The following ARHGAP24 variants were observed in gnomAD, a reference collection of about 807,000 sequenced individuals.
ARHGAP24 encodes rho GTPase-activating protein 24.
A neutral mutation model predicts 76.4 loss-of-function variants in ARHGAP24; 50 were observed. The observed-to-expected ratio is 0.65, with a 90% CI of 0.52 to 0.83. ARHGAP24 has a LOEUF of 0.83. Among genes scored for constraint, ARHGAP24 ranks in the 40% least tolerant of loss-of-function variants. The pLI, the probability that ARHGAP24 is intolerant of heterozygous loss-of-function variation, is 0.00. For synonymous variants in ARHGAP24, 345 were observed against 323.3 expected, an observed-to-expected ratio of 1.07 and a Z score of -0.72; for missense variants, 930 against 914.2, an observed-to-expected ratio of 1.02 and a Z score of -0.22.
At chr4:85,784,923 CTATCTATCT>C (rs1223568058) in intron 3 of ARHGAP24, among the ~76,000 whole-genome samples, 1 of 146,810 alleles carries the variant, frequency 6.8e-6, no homozygotes, top group Non-Finnish European at 1.5e-5. Context: ...ATCTATCTAT[CTATCTATCT>C]ATCTATCTAT....
At chr4:85,722,005 G>A (rs367769099) in intron 3 of ARHGAP24, 33 bp downstream of exon 3, 85 of 1,573,122 alleles carry the variant, frequency 5.4e-5, no homozygotes, top group Middle Eastern at 3.3e-4. Context: ...TTAAATTATT[G>A]TCATCCTGTG....
intron 1 of ARHGAP24, among the ~76,000 whole-genome samples, chr4:85,563,649 A>G (rs545612572): frequency 1.2e-4 from 19 of 152,316 alleles, no homozygotes; most frequent in African/African-American, 4.6e-4. Context: ...CCGTAACAAC[A>G]AGTAAGAGGA....
Position 85,570,706 on chromosome 4 carries a change from T to G in ARHGAP24, c.165T>G (p.Asp55Glu). Reference sequence around the variant, plus strand: ...AGCTCTATTATTTCAAAGATGAAGATGAAACCAAGCCCTTGGTGAGTAGGA... The same window carrying G: ...AGCTCTATTATTTCAAAGATGAAGAGGAAACCAAGCCCTTGGTGAGTAGGA... ...GDQLYYFKDEDETKPLGTIFL... is the reference protein window; with the variant it reads ...GDQLYYFKDEEETKPLGTIFL... Residue 55 changes from aspartate (D) to glutamate (E), a missense_variant, in exon 2 of 10, where the codon GAT becomes GAG. Asp to Glu is a conservative substitution (Grantham distance 45). Transcript: ENST00000395184. 1 of 1,614,040 alleles carries G rather than the reference T, an allele frequency of 6.2e-7. No individual in the cohort carries two copies. Among genetic ancestry groups the G allele is most frequent in the Non-Finnish European group, 8.5e-7 (1 of 1,179,984 alleles).
chr4:85,972,268 T>C, intron 6 of ARHGAP24, 100 bp downstream of exon 6: 3 of 1,474,748 alleles, frequency 2.0e-6, no homozygotes, highest in Non-Finnish European at 2.8e-6. Context: ...ATCCCGGTGT[T>C]ACTCTCCACT....
At chr4:85,586,080 C>G (rs896536622) in intron 2 of ARHGAP24, among the ~76,000 whole-genome samples, 2 of 152,200 alleles carry the variant, frequency 1.3e-5, no homozygotes, top group Admixed American at 6.5e-5. Flanking sequence ...TTGCCCCACT[C>G]TGGGAAGGTC....
intron 3 of ARHGAP24, among the ~76,000 whole-genome samples, chr4:85,739,339 A>G (rs915827522): frequency 6.6e-6 from 1 of 152,198 alleles, no homozygotes; most frequent in Non-Finnish European, 1.5e-5. Context: ...TTATCCTTGC[A>G]TCCTCTCTGT....
At chr4:85,595,114 CTT>C (rs1164014587) in intron 2 of ARHGAP24, among the ~76,000 whole-genome samples, 2 of 152,138 alleles carry the variant, frequency 1.3e-5, no homozygotes, top group South Asian at 2.1e-4. Context: ...ATTGAACAGA[CTT>C]TTCACAATGT....
chr4:85,492,895 G>A (rs1352722581), intron 1 of ARHGAP24, among the ~76,000 whole-genome samples: 10 of 152,170 alleles, frequency 6.6e-5, no homozygotes, highest in Admixed American at 5.9e-4. Flanking sequence ...TTTTTCTAGA[G>A]TAAGAGACAA....
intron 3 of ARHGAP24, among the ~76,000 whole-genome samples, chr4:85,902,201 TG>T (rs11289077): frequency 0.3 from 45,418 of 152,020 alleles, 6,922 homozygotes; most frequent in South Asian, 0.43. Flanking sequence ...AAATGGTATT[TG>T]GGTGATAGTG....
At chr4:85,920,790 G>A (rs573176999) in intron 3 of ARHGAP24, among the ~76,000 whole-genome samples, 3 of 152,228 alleles carry the variant, frequency 2.0e-5, no homozygotes, top group African/African-American at 7.2e-5. Flanking sequence ...ATCATTGATC[G>A]TTAGAGAAAT....
intron 3 of ARHGAP24, among the ~76,000 whole-genome samples, chr4:85,740,844 G>A (rs987977115): frequency 6.6e-6 from 1 of 152,128 alleles, no homozygotes; most frequent in African/African-American, 2.4e-5. Flanking sequence ...TCTTATAGAT[G>A]CAGCTCAGTA....
rs540490322 is a variant in ARHGAP24 at position 85,929,622 on chromosome 4, A to G, written c.391+5852A>G. On this transcript the variant is annotated intron_variant, in intron 4 of 9. Coordinates refer to ENST00000395184, the MANE Select transcript of ARHGAP24 (RefSeq NM_001025616.3). Reference sequence around the variant, plus strand: ...CAGAATTGGTTTGCAAACCATGCCTAGAGAAACATATATGTGTGTGTAAAT... The same window carrying G: ...CAGAATTGGTTTGCAAACCATGCCTGGAGAAACATATATGTGTGTGTAAAT... Among the ~76,000 whole-genome samples the G allele has an allele frequency of 9.8e-5, 15 of 152,334 alleles. No individual in the cohort carries two copies. In the South Asian group the frequency reaches 2.7e-3, roughly 27 times the overall value.
At chr4:85,672,795 G>A (rs1722853774) in intron 2 of ARHGAP24, among the ~76,000 whole-genome samples, 1 of 152,170 alleles carries the variant, frequency 6.6e-6, no homozygotes, top group South Asian at 2.1e-4. Context: ...GGGAAATGCT[G>A]AATTCTTGCA....
At chr4:85,992,929 A>G (rs768992067) in intron 8 of ARHGAP24, among the ~76,000 whole-genome samples, 1 of 152,170 alleles carries the variant, frequency 6.6e-6, no homozygotes, top group African/African-American at 2.4e-5. Flanking sequence ...AAATTGCAGC[A>G]GCTGAAATAT....
intron 5 of ARHGAP24, among the ~76,000 whole-genome samples, chr4:85,953,945 ACT>A (rs1737765529): frequency 1.3e-5 from 2 of 152,170 alleles, no homozygotes; most frequent in Middle Eastern, 3.4e-3. Flanking sequence ...AACAGAGATC[ACT>A]CTGACTGAGA....
intron 3 of ARHGAP24, among the ~76,000 whole-genome samples, chr4:85,848,715 A>G (rs1029980219): frequency 1.3e-5 from 2 of 152,144 alleles, no homozygotes; most frequent in Non-Finnish European, 2.9e-5. Context: ...TCTTTTCCCC[A>G]TTTCTTGTTT....
intron 3 of ARHGAP24, among the ~76,000 whole-genome samples, chr4:85,731,176 C>T (rs1725394090): frequency 6.6e-6 from 1 of 152,108 alleles, no homozygotes; most frequent in Non-Finnish European, 1.5e-5. Flanking sequence ...CCTTCTTATA[C>T]CAATAAGAAT....
intron 3 of ARHGAP24, among the ~76,000 whole-genome samples, chr4:85,874,998 ATAT>A (rs1732788802): frequency 9.1e-6 from 1 of 109,902 alleles, no homozygotes; most frequent in African/African-American, 3.8e-5. Context: ...ATATAAATAT[ATAT>A]TTATATATAA....
chr4:85,757,185 G>A (rs1726535696), intron 3 of ARHGAP24, among the ~76,000 whole-genome samples: 1 of 150,672 alleles, frequency 6.6e-6, no homozygotes, highest in Non-Finnish European at 1.5e-5. Context: ...ACTCACTAGA[G>A]GGCAGCAAGG....
Sources: allele counts gnomAD v4.1 joint callset (sites outside exome capture counted in the v4.1 genomes callset), GRCh38; gene constraint gnomAD v4.1.1; transcripts MANE v1.5; gene names NCBI Gene and HGNC (gene_info 2026-07-23, HGNC 2026-07-21).